RASSF9: variants seen among roughly 807,000 people sequenced by gnomAD.
RASSF9 encodes ras association domain-containing protein 9.
In RASSF9, 18 loss-of-function variants were observed where a neutral mutation model predicts 21.4. The ratio of observed to expected loss-of-function variants is 0.84; its 90% CI spans 0.58 to 1.25. RASSF9 has a LOEUF of 1.25. RASSF9 is among the 50% of genes most tolerant of loss of function. RASSF9 has a pLI of 0.00. For synonymous variants in RASSF9, 183 were observed against 179.1 expected, an observed-to-expected ratio of 1.02 and a Z score of -0.18; for missense variants, 480 against 503.2, an observed-to-expected ratio of 0.95 and a Z score of 0.44.
At chr12:85,818,313 A>AT (rs1555189201) in intron 1 of RASSF9, among the ~76,000 whole-genome samples, 1 of 152,168 alleles carries the variant, frequency 6.6e-6, no homozygotes, top group Non-Finnish European at 1.5e-5. Context: ...GGCACAAGAG[A>AT]TTGTTTGTTC....
At chr12:85,816,468 T>G (rs1880067687) in intron 1 of RASSF9, among the ~76,000 whole-genome samples, 1 of 152,160 alleles carries the variant, frequency 6.6e-6, no homozygotes, top group Non-Finnish European at 1.5e-5. Flanking sequence ...ATTATCTTTC[T>G]AATATTTTCT....
chr12:85,806,672 C>CAAAAAAAAAAAA (rs71076150), intron 1 of RASSF9, among the ~76,000 whole-genome samples: 1 of 54,842 alleles, frequency 1.8e-5, no homozygotes, highest in African/African-American at 6.6e-5. Context: ...GACTCCATCT[C>CAAAAAAAAAAAA]AAAAAAAAAA....
chr12:85,824,416 AC>A (rs1480435572), intron 1 of RASSF9, among the ~76,000 whole-genome samples: 2 of 152,106 alleles, frequency 1.3e-5, no homozygotes, highest in African/African-American at 4.8e-5. Context: ...CATCACCCCT[AC>A]CACAATTCAG....
chr12:85,829,805 C>G (rs1293937373), intron 1 of RASSF9, among the ~76,000 whole-genome samples: 1 of 152,104 alleles, frequency 6.6e-6, no homozygotes, highest in African/African-American at 2.4e-5. Flanking sequence ...CCTTCATCAA[C>G]TCCAAGAGAT....
chr12:85,830,656 T>G (rs1422893148), intron 1 of RASSF9, among the ~76,000 whole-genome samples: 1 of 152,112 alleles, frequency 6.6e-6, no homozygotes, highest in East Asian at 1.9e-4. Flanking sequence ...TTTTCCTTGT[T>G]TGTCAGCAGA....
chr12:85,809,346 T>C (rs1879901634), intron 1 of RASSF9, among the ~76,000 whole-genome samples: 1 of 152,124 alleles, frequency 6.6e-6, no homozygotes, highest in South Asian at 2.1e-4. Flanking sequence ...AGTGCCCCAT[T>C]AGAGCACTCA....
chr12:85,822,139 A>T (rs1880225835), intron 1 of RASSF9, among the ~76,000 whole-genome samples: 1 of 152,204 alleles, frequency 6.6e-6, no homozygotes, highest in South Asian at 2.1e-4. Context: ...TCGTTATTTC[A>T]GCTATTAGTA....
chr12:85,824,999 CATTT>C (rs568305097), intron 1 of RASSF9, among the ~76,000 whole-genome samples: 5 of 151,864 alleles, frequency 3.3e-5, no homozygotes, highest in Admixed American at 1.3e-4. Flanking sequence ...AATGTGTGCT[CATTT>C]ATTTATTTAT....
At position 85,805,893 on chromosome 12, in the gene RASSF9, A is replaced by G. The variant is rs761979263; in HGVS notation, c.117T>C (p.Leu39=). The change falls in exon 2 of 2, where the codon CTT becomes CTC. Residue 39 remains leucine (L), a synonymous_variant. Transcript: ENST00000361228. ...IVVWVCQEEK[L]VCGLTKRTTS... ...TGGTGCGTTTAGTCAGCCCACAGAC[A>G]AGCTTCTCTTCTTGGCAAACCCAAA... 14 of 1,613,818 alleles carry G rather than the reference A, an allele frequency of 8.7e-6. No individual in the cohort carries two copies. Among genetic ancestry groups the G allele is most frequent in the Non-Finnish European group, 1.2e-5 (14 of 1,179,854 alleles).
At chr12:85,822,558 A>G (rs1052136876) in intron 1 of RASSF9, among the ~76,000 whole-genome samples, 10 of 152,210 alleles carry the variant, frequency 6.6e-5, no homozygotes, top group African/African-American at 2.4e-4. Flanking sequence ...TGTTAAGGAA[A>G]AGGAGAGATA....
At position 85,819,937 on chromosome 12, in the gene RASSF9, T is replaced by A. The variant is rs1404382339; in HGVS notation, c.48-13975A>T. Among the ~76,000 whole-genome samples the A allele has an allele frequency of 2.0e-5, 3 of 152,154 alleles. No homozygotes were observed. In the East Asian group the frequency reaches 5.8e-4, roughly 29 times the overall value. On this transcript the variant is annotated intron_variant, in intron 1 of 1. Transcript: ENST00000361228. ...ATGGAAAATTGAAAAGGATAACTGG[T>A]TCAGTTATTTTTCTAGTTTTCTTTA...
chr12:85,802,504 A>G lies in RASSF9; in HGVS notation c.*2198T>C, dbSNP rs1201663229. On this transcript the variant is annotated 3_prime_UTR_variant, in exon 2 of 2. Coordinates refer to ENST00000361228, the MANE Select transcript of RASSF9 (RefSeq NM_005447.4). ...CTGCTTTCTGAGACTTACAAACATT[A>G]TTTACTGTAAAATGTAGAAGAATTG... is the stretch of plus-strand genomic sequence containing the variant. 2 of 152,164 alleles carry G rather than the reference A, an allele frequency of 1.3e-5. No individual in the cohort carries two copies. The highest frequency in any genetic ancestry group is 2.9e-5 in the Non-Finnish European group (2 of 67,998). 9.4% of individuals were successfully genotyped at this position (152,164 alleles called of 1,614,324 possible). A position where few individuals can be genotyped will look rare whatever the true frequency, so the allele number is the denominator to read the frequency against.
intron 1 of RASSF9, among the ~76,000 whole-genome samples, chr12:85,829,894 T>C (rs1880412391): frequency 1.3e-5 from 2 of 152,046 alleles, no homozygotes; most frequent in African/African-American, 4.8e-5. Flanking sequence ...CATGGAAGAG[T>C]GATTTTAAAA....
chr12:85,816,041 G>A (rs1880056613), intron 1 of RASSF9, among the ~76,000 whole-genome samples: 1 of 151,952 alleles, frequency 6.6e-6, no homozygotes, highest in Non-Finnish European at 1.5e-5. Flanking sequence ...ATTATCCTGG[G>A]CAAACTAACA....
intron 1 of RASSF9, among the ~76,000 whole-genome samples, chr12:85,832,921 C>T (rs371543568): frequency 1.3e-5 from 2 of 151,822 alleles, no homozygotes; most frequent in Non-Finnish European, 3.0e-5. Flanking sequence ...GATTAACTCT[C>T]ATTGTAAACA....
chr12:85,802,660 A>G lies in RASSF9; in HGVS notation c.*2042T>C, dbSNP rs1409410560. On this transcript the variant is annotated 3_prime_UTR_variant, in exon 2 of 2. Coordinates refer to ENST00000361228, the MANE Select transcript of RASSF9 (RefSeq NM_005447.4). ...AATTCAGATAATTAGTCAAATAGATAAGCATGTTCTTTCAGTATTTTCTCA... is the reference window on the plus strand; with the variant it reads ...AATTCAGATAATTAGTCAAATAGATGAGCATGTTCTTTCAGTATTTTCTCA... 6.6e-6 allele frequency: 1 copy of G among 152,198 alleles called. No homozygotes were observed. Among genetic ancestry groups the G allele is most frequent in the African/African-American group, 2.4e-5 (1 of 41,478 alleles). The allele number at this position is 152,198 out of a possible 1,614,324, so 9.4% of individuals were successfully genotyped here. A position where few individuals can be genotyped will look rare whatever the true frequency, so the allele number is the denominator to read the frequency against.
chr12:85,812,276 A>G (rs1879970187), intron 1 of RASSF9, among the ~76,000 whole-genome samples: 1 of 151,538 alleles, frequency 6.6e-6, no homozygotes, highest in South Asian at 2.1e-4. Context: ...ACCTTATTAA[A>G]TTTGATAATA....
chr12:85,822,912 T>A (rs1378753252), intron 1 of RASSF9, among the ~76,000 whole-genome samples: 4 of 152,058 alleles, frequency 2.6e-5, no homozygotes, highest in Non-Finnish European at 5.9e-5. Context: ...ACAAAATGTC[T>A]ACTGCCGGCC....
At chr12:85,809,457 A>G (rs904863708) in intron 1 of RASSF9, among the ~76,000 whole-genome samples, 1 of 151,952 alleles carries the variant, frequency 6.6e-6, no homozygotes, top group Non-Finnish European at 1.5e-5. Context: ...ATCTTGTTCT[A>G]TAGTTGATGC....
Sources: gnomAD v4.1 joint callset for allele counts (sites outside exome capture counted in the v4.1 genomes callset) on GRCh38, gnomAD v4.1.1 for gene constraint, MANE v1.5 for transcripts, NCBI Gene and HGNC (gene_info 2026-07-23, HGNC 2026-07-21) for gene names.